Variants in TRIP12 observed in about 807,000 individuals in gnomAD.
The protein encoded by TRIP12 is E3 ubiquitin-protein ligase TRIP12.
A neutral mutation model predicts 244.2 loss-of-function variants in TRIP12; 25 were observed. That is an observed-to-expected ratio of 0.10 (90% CI 0.07 to 0.14). TRIP12 has a LOEUF of 0.14. Ranked by LOEUF, TRIP12 falls within the 10% of genes least tolerant of loss-of-function variation. The pLI is 1.00. For synonymous variants in TRIP12, 905 were observed against 873.1 expected (o/e 1.04, Z -0.64); for missense variants, 1,677 against 2,486.4 (o/e 0.67, Z 6.92).
chr2:229,865,980 T>G (rs1051872734), intron 2 of TRIP12, among the ~76,000 whole-genome samples: 1 of 152,210 alleles, frequency 6.6e-6, no homozygotes. Flanking sequence ...CTAGGAAGCA[T>G]TCTGGAAACA....
chr2:229,905,919 T>C (rs187123059), intron 1 of TRIP12, among the ~76,000 whole-genome samples: 4 of 152,334 alleles, frequency 2.6e-5, no homozygotes, highest in East Asian at 3.9e-4. Flanking sequence ...TCACTAATGA[T>C]GGCCACAACT....
At chr2:229,916,898 A>T (rs1265551439) in intron 1 of TRIP12, among the ~76,000 whole-genome samples, 3 of 151,886 alleles carry the variant, frequency 2.0e-5, no homozygotes, top group African/African-American at 7.2e-5. Context: ...CAGGTCTAGC[A>T]TCGGTATACT....
At chr2:229,919,015 T>C (rs527445263) in intron 1 of TRIP12, among the ~76,000 whole-genome samples, 46 of 152,346 alleles carry the variant, frequency 3.0e-4, no homozygotes, top group African/African-American at 1.0e-3. Context: ...TAACTGGTAG[T>C]GTGTGAATTT....
chr2:229,868,221 T>C (rs920007140), intron 2 of TRIP12, among the ~76,000 whole-genome samples: 8 of 152,172 alleles, frequency 5.3e-5, no homozygotes, highest in Admixed American at 2.6e-4. Flanking sequence ...ATTCATTTAT[T>C]TTTTGAGACA....
chr2:229,779,069 C>T, intron 34 of TRIP12, 79 bp from the exon 35 acceptor site: 4 of 1,115,546 alleles, frequency 3.6e-6, no homozygotes, highest in Non-Finnish European at 5.4e-6. Flanking sequence ...GAAATGTGCA[C>T]ACTAACAGCA....
chr2:229,767,853 T>G, intron 41 of TRIP12, 103 bp from the exon 42 acceptor site: 1 of 1,181,918 alleles, frequency 8.5e-7, no homozygotes, highest in Non-Finnish European at 1.2e-6. Context: ...ACACAAGATA[T>G]TCTTTCTTGC....
intron 4 of TRIP12, among the ~76,000 whole-genome samples, chr2:229,855,259 T>C (rs2059394119): frequency 6.6e-6 from 1 of 152,016 alleles, no homozygotes; most frequent in Non-Finnish European, 1.5e-5. Flanking sequence ...ACAGGAAGAC[T>C]CCATCTTAAA....
At position 229,777,336 on chromosome 2, in the gene TRIP12, T is replaced by C. The variant is rs1265736327; in HGVS notation, c.5508A>G (p.Arg1836=). 6 of 1,613,222 alleles carry C rather than the reference T, an allele frequency of 3.7e-6. No individual in the cohort carries two copies. In the Admixed American group the frequency reaches 8.3e-5, roughly 22 times the overall value. ...HLEDIVRQKK[R]LEQDKSQTKE... ...CTACCTGGGATTTATCTTGTTCAAG[T>C]CTTTTCTTCTGTCTGACAATGTCTT... Residue 1836 remains arginine (R), a synonymous_variant, in exon 37 of 42, where the codon AGA becomes AGG. Transcript: ENST00000675903.
At chr2:229,920,654 C>T (rs990434035) in intron 1 of TRIP12, among the ~76,000 whole-genome samples, 7 of 152,332 alleles carry the variant, frequency 4.6e-5, no homozygotes, top group African/African-American at 1.7e-4. Context: ...TCCGTTATCT[C>T]CTCACCACGT....
In TRIP12 at chr2:229,778,511, T is replaced by C. The variant is rs1364949986; in HGVS notation, c.5286A>G (p.Pro1762=). 1 of 1,614,096 alleles carries C rather than the reference T, an allele frequency of 6.2e-7. No individual in the cohort carries two copies. The highest frequency in any genetic ancestry group is 1.7e-5 in the Admixed American group (1 of 60,018). ...TCATCTTAACCTTTGCGATATGAGCTGGCTTTGCTGTCCTACCAAAGGGAA... is the reference window on the plus strand; with the variant it reads ...TCATCTTAACCTTTGCGATATGAGCCGGCTTTGCTGTCCTACCAAAGGGAA... ...FALPFGRTAK[P]AHIAKVKMKF... is the part of the protein sequence containing the mutation. Residue 1762 remains proline (P), a synonymous_variant, in exon 36 of 42, where the codon CCA becomes CCG. Transcript: ENST00000675903. The surrounding 1 kb of genome is among the most constrained non-coding windows in gnomAD (Gnocchi z 4.1).
At chr2:229,826,305 T>C (rs1013630812) in intron 8 of TRIP12, among the ~76,000 whole-genome samples, 3 of 152,196 alleles carry the variant, frequency 2.0e-5, no homozygotes, top group Non-Finnish European at 2.9e-5. Context: ...ACTATGACTT[T>C]TCAATAGGCT....
chr2:229,908,387 T>C (rs2073427442), intron 1 of TRIP12, among the ~76,000 whole-genome samples: 1 of 152,220 alleles, frequency 6.6e-6, no homozygotes, highest in South Asian at 2.1e-4. Context: ...ATTTTTACCA[T>C]ATTCTTTATT....
intron 23 of TRIP12, among the ~76,000 whole-genome samples, chr2:229,798,481 G>T (rs62190403): frequency 6.8e-6 from 1 of 148,044 alleles, no homozygotes; most frequent in Non-Finnish European, 1.5e-5. Flanking sequence ...AAAAAAAAAG[G>T]CTCTCCCCTA....
chr2:229,780,333 C>T (rs983478694), intron 34 of TRIP12, among the ~76,000 whole-genome samples: 2 of 152,230 alleles, frequency 1.3e-5, no homozygotes, highest in African/African-American at 4.8e-5. Context: ...TAATTACCAA[C>T]TTTACCCAGC....
At position 229,892,227 on chromosome 2, in the gene TRIP12, G is replaced by A. The variant is rs542284667; in HGVS notation, c.-49-12099C>T. ...GATAATGGGAAGGAGGAAGGAAAAA[G>A]CTACTTTGGGTTGAATCATCAGGTA... is the stretch of plus-strand genomic sequence containing the variant. On this transcript the variant is annotated intron_variant, in intron 1 of 41. Coordinates refer to ENST00000675903, the MANE Select transcript of TRIP12 (RefSeq NM_001348323.3). Among the ~76,000 whole-genome samples the A allele has an allele frequency of 2.6e-5, 4 of 152,292 alleles. No homozygotes were observed. In the South Asian group the frequency reaches 8.3e-4, roughly 32 times the overall value.
intron 21 of TRIP12, 79 bp from the exon 22 acceptor site, chr2:229,799,462 A>G: frequency 7.6e-7 from 1 of 1,315,088 alleles, no homozygotes; most frequent in Non-Finnish European, 1.1e-6. Flanking sequence ...GCAAACTAAA[A>G]TGGCAGAAAC....
chr2:229,860,946 T>C (rs77256712), intron 2 of TRIP12, among the ~76,000 whole-genome samples: 24 of 152,296 alleles, frequency 1.6e-4, no homozygotes, highest in Middle Eastern at 3.4e-3. Flanking sequence ...GAAAAGACAA[T>C]TGATGATTCC....
At chr2:229,900,246 T>C (rs1273425135) in intron 1 of TRIP12, among the ~76,000 whole-genome samples, 2 of 152,200 alleles carry the variant, frequency 1.3e-5, no homozygotes, top group African/African-American at 4.8e-5. Flanking sequence ...TCGCAAAAAG[T>C]AGAGTCATCA....
At chr2:229,886,466 AT>A (rs11430240) in intron 1 of TRIP12, among the ~76,000 whole-genome samples, 6,006 of 144,266 alleles carry the variant, frequency 0.042, 355 homozygotes, top group African/African-American at 0.13. Flanking sequence ...TAAAAATAGC[AT>A]TTTTTTTTTT....
Sources: allele counts gnomAD v4.1 joint callset (sites outside exome capture counted in the v4.1 genomes callset), GRCh38; gene constraint gnomAD v4.1.1; non-coding constraint Gnocchi (gnomAD v3.1); transcripts MANE v1.5; gene names NCBI Gene and HGNC (gene_info 2026-07-23, HGNC 2026-07-21).